Variants in POC1A observed in about 807,000 individuals in gnomAD.
POC1A encodes the protein POC1 centriolar protein homolog A.
POC1A carries 34 observed loss-of-function variants against 47.8 expected under a neutral mutation model. That is an observed-to-expected ratio of 0.71 (90% CI 0.54 to 0.95). The LOEUF is 0.95. Ranked by LOEUF, POC1A falls within the 40% of genes least tolerant of loss-of-function variation. POC1A has a pLI of 0.00. For synonymous variants in POC1A, 177 were observed against 207.6 expected (o/e 0.85, Z 1.27); for missense variants, 466 against 528.3 (o/e 0.88, Z 1.16).
intron 9 of POC1A, among the ~76,000 whole-genome samples, chr3:52,110,350 G>C (rs1469486668): frequency 2.0e-5 from 3 of 152,210 alleles, no homozygotes; most frequent in Non-Finnish European, 4.4e-5. Flanking sequence ...TGGAGGAGGT[G>C]CCATCTGGAA....
chr3:52,152,948 AG>A (rs1698603467), intron 1 of POC1A, among the ~76,000 whole-genome samples: 1 of 152,274 alleles, frequency 6.6e-6, no homozygotes, highest in Non-Finnish European at 1.5e-5. Context: ...TGAAAAGTTC[AG>A]AATAGTCAAA....
Position 52,145,867 on chromosome 3 carries a change from G to A in POC1A, c.658C>T (p.Arg220Trp), listed in dbSNP as rs755394481. 3.0e-5 allele frequency: 49 copies of A among 1,612,830 alleles called. 1 individual carries two copies. In the South Asian group the frequency reaches 4.2e-4, roughly 14 times the overall value. Residue 220 changes from arginine to tryptophan, a missense_variant, in exon 6 of 11, where the codon CGG becomes TGG. Physicochemically the swap from Arg to Trp is moderately radical, Grantham distance 101 (BLOSUM62 -3). Coordinates refer to ENST00000296484, the MANE Select transcript of POC1A (RefSeq NM_015426.5). ...TVKVWDVRTH[R>W]LLQHYQLHSA... ...TCACACTGATAATGCTGCAGCAGCCGGTGAGTCCGCACGTCCCACACCTTC... is the reference window on the plus strand; with the variant it reads ...TCACACTGATAATGCTGCAGCAGCCAGTGAGTCCGCACGTCCCACACCTTC...
chr3:52,131,432 T>C (rs1704205817), intron 7 of POC1A, among the ~76,000 whole-genome samples: 1 of 152,084 alleles, frequency 6.6e-6, no homozygotes, highest in Non-Finnish European at 1.5e-5. Context: ...TGACATCCAG[T>C]GAGAGGCAGG....
chr3:52,149,282 T>C lies in POC1A; in HGVS notation c.383A>G (p.Lys128Arg). 1.2e-6 allele frequency: 2 copies of C among 1,614,180 alleles called. No homozygotes were observed. The highest frequency in any genetic ancestry group is 1.7e-6 in the Non-Finnish European group (2 of 1,180,028). ...TTTCTGGCGATGAGTTGCCCACACT[T>C]TGACTGTCTTGTCGTCAGAGGCTGT... ...FVTASDDKTV[K>R]VWATHRQKFL... Residue 128 changes from lysine (K) to arginine (R), a missense_variant, in exon 4 of 11, where the codon AAA becomes AGA. Coordinates refer to ENST00000296484, the MANE Select transcript of POC1A (RefSeq NM_015426.5).
In POC1A at chr3:52,138,319, A is replaced by G; in HGVS notation, c.680-17T>C. 6.2e-7 allele frequency: 1 copy of G among 1,605,260 alleles called. No individual in the cohort carries two copies. On this transcript the variant is annotated splice_polypyrimidine_tract_variant and intron_variant, in intron 6 of 10. Coordinates refer to ENST00000296484, the MANE Select transcript of POC1A (RefSeq NM_015426.5). ...CACTGTGCACTGGGGGAAGGACATCAGTCAGGTGCTGGCTAGGAGGCACAG... is the reference window on the plus strand; with the variant it reads ...CACTGTGCACTGGGGGAAGGACATCGGTCAGGTGCTGGCTAGGAGGCACAG...
chr3:52,081,013 C>T (rs1256122420), intron 10 of POC1A, among the ~76,000 whole-genome samples: 1 of 152,212 alleles, frequency 6.6e-6, no homozygotes, highest in East Asian at 1.9e-4. Context: ...TCTTCAAAGT[C>T]ACATCTGCCG....
rs1480391775 is a variant in POC1A at position 52,084,860 on chromosome 3, G to A, written c.1126-8875C>T. 1.3e-5 allele frequency among the ~76,000 whole-genome samples: 2 copies of A among 152,242 alleles called. No individual in the cohort carries two copies. The highest frequency in any genetic ancestry group is 2.4e-5 in the African/African-American group (1 of 41,462). ...CAGGTGGCATGGAGGTGGACAGGGT[G>A]GTTGGGCCAGACTGATGGGTGAAGG... On this transcript the variant is annotated intron_variant, in intron 10 of 10. Transcript: ENST00000296484. This position sits in a 1 kb window ranked among gnomAD's most constrained non-coding sequence, Gnocchi z 4.3.
rs1040962016 is a variant in POC1A at position 52,084,558 on chromosome 3, A to G, written c.1126-8573T>C. Among the ~76,000 whole-genome samples the G allele has an allele frequency of 6.6e-6, 1 of 152,192 alleles. No individual in the cohort carries two copies. Among genetic ancestry groups the G allele is most frequent in the Non-Finnish European group, 1.5e-5 (1 of 68,016 alleles). ...GAGGAAAGCTACTCCACCACCACTG[A>G]CAGCAAAGAACATCTTAGGGGCAGG... is the stretch of plus-strand genomic sequence containing the variant. On this transcript the variant is annotated intron_variant, in intron 10 of 10. Coordinates refer to ENST00000296484, the MANE Select transcript of POC1A (RefSeq NM_015426.5). This position sits in a 1 kb window ranked among gnomAD's most constrained non-coding sequence, Gnocchi z 4.3.
chr3:52,106,400 G>A (rs1703187198), intron 9 of POC1A, among the ~76,000 whole-genome samples: 1 of 152,202 alleles, frequency 6.6e-6, no homozygotes, highest in Non-Finnish European at 1.5e-5. Context: ...GCATGCGCCT[G>A]TAGTCCCAGC....
rs1387794723 is a variant in POC1A at position 52,096,807 on chromosome 3, A to G, written c.982-95T>C. ...CCTCCAAAGGATGAAAGGGAAAACC[A>G]CCAGCAAATTTGAGAAGGTAAGCTC... On this transcript the variant is annotated intron_variant, in intron 9 of 10. Coordinates refer to ENST00000296484, the MANE Select transcript of POC1A (RefSeq NM_015426.5). The G allele has an allele frequency of 2.5e-6, 3 of 1,179,542 alleles. No homozygotes were observed. In the African/African-American group the frequency reaches 4.7e-5, roughly 19 times the overall value. The allele number at this position is 1,179,542 out of a possible 1,614,324, so 73.1% of individuals were successfully genotyped here.
intron 9 of POC1A, among the ~76,000 whole-genome samples, chr3:52,112,132 G>A (rs1020608407): frequency 3.9e-5 from 6 of 152,280 alleles, no homozygotes; most frequent in Non-Finnish European, 7.4e-5. Flanking sequence ...AAGGGCCCAC[G>A]GGGCAGCACT....
rs1419589793 is a variant in POC1A, at chr3:52,086,171, A to T, written c.1126-10186T>A. Among the ~76,000 whole-genome samples the T allele has an allele frequency of 2.6e-5, 4 of 152,296 alleles. No homozygotes were observed. The East Asian group carries it at 7.7e-4, about 29-fold the overall frequency. ...CTCCCCACCAACACAGGAGCCAGATAACTGGGCCAGAGGTGGTGTGGTCCC... is the reference window on the plus strand; with the variant it reads ...CTCCCCACCAACACAGGAGCCAGATTACTGGGCCAGAGGTGGTGTGGTCCC... On this transcript the variant is annotated intron_variant, in intron 10 of 10. Transcript: ENST00000296484.
At chr3:52,131,389 C>G (rs948570443) in intron 7 of POC1A, among the ~76,000 whole-genome samples, 1 of 152,132 alleles carries the variant, frequency 6.6e-6, no homozygotes, top group African/African-American at 2.4e-5. Flanking sequence ...GGATCATGAG[C>G]CTCCATTGCA....
intron 10 of POC1A, among the ~76,000 whole-genome samples, chr3:52,082,254 G>T (rs1702321534): frequency 6.6e-6 from 1 of 152,212 alleles, no homozygotes; most frequent in Non-Finnish European, 1.5e-5. Flanking sequence ...CCAGCGCAGG[G>T]GAGCTGAGGG....
intron 10 of POC1A, among the ~76,000 whole-genome samples, chr3:52,080,564 C>T (rs1384973331): frequency 6.6e-6 from 1 of 152,088 alleles, no homozygotes; most frequent in Admixed American, 6.5e-5. Context: ...CCTGGCTAAA[C>T]ATTTAGGTTT....
intron 3 of POC1A, 116 bp downstream of exon 3, chr3:52,149,700 G>T: frequency 1.0e-6 from 1 of 1,001,230 alleles, no homozygotes; most frequent in Non-Finnish European, 1.5e-6. Context: ...CTCTTCCAAA[G>T]CAGAGTAGAA....
intron 5 of POC1A, 90 bp from the exon 6 acceptor site, chr3:52,146,051 G>T: frequency 1.3e-6 from 1 of 744,238 alleles, no homozygotes; most frequent in Non-Finnish European, 2.4e-6. Context: ...CCATCCCTGT[G>T]TCCTGCCCAC....
chr3:52,083,345 A>T (rs1208738000), intron 10 of POC1A, among the ~76,000 whole-genome samples: 1 of 152,060 alleles, frequency 6.6e-6, no homozygotes, highest in Admixed American at 6.6e-5. Context: ...GCAAACAAGG[A>T]CAGGTGTGAC....
chr3:52,153,365 G>A (rs938380956), intron 1 of POC1A, among the ~76,000 whole-genome samples: 1 of 152,210 alleles, frequency 6.6e-6, no homozygotes, highest in Admixed American at 6.5e-5. Context: ...GGGAAAGGAT[G>A]TCCTTGGGGC....
Sources: gnomAD v4.1 joint callset for allele counts (sites outside exome capture counted in the v4.1 genomes callset) on GRCh38, gnomAD v4.1.1 for gene constraint, Gnocchi (gnomAD v3.1) non-coding constraint, MANE v1.5 for transcripts, NCBI Gene and HGNC (gene_info 2026-07-23, HGNC 2026-07-21) for gene names.